Variants in KIF21A observed in about 807,000 individuals in gnomAD.
KIF21A encodes kinesin family member 21A.
KIF21A carries 114 observed loss-of-function variants against 202.9 expected under a neutral mutation model. That is an observed-to-expected ratio of 0.56 (90% confidence interval 0.48 to 0.66). The LOEUF (loss-of-function observed/expected upper bound fraction) is 0.66, where lower values mean the gene tolerates loss of function less well. KIF21A is among the 30% of genes least tolerant of loss of function. The pLI is 0.00. For synonymous variants in KIF21A, 667 were observed against 670.8 expected (o/e 0.99, Z 0.09); for missense variants, 1,677 against 1,994.9 (o/e 0.84, Z 3.04).
chr12:39,380,279 T>C (rs1950534962), intron 1 of KIF21A, among the ~76,000 whole-genome samples: 1 of 152,162 alleles, frequency 6.6e-6, no homozygotes, highest in South Asian at 2.1e-4. Context: ...AACAACGCTT[T>C]TTTAAAGCAC....
intron 1 of KIF21A, among the ~76,000 whole-genome samples, chr12:39,374,526 A>G (rs1950146926): frequency 1.3e-5 from 2 of 152,176 alleles, no homozygotes; most frequent in African/African-American, 2.4e-5. Flanking sequence ...AAGACAAACA[A>G]TTACGGACAA....
chr12:39,300,608 G>A (rs922617948), intron 37 of KIF21A, among the ~76,000 whole-genome samples: 2 of 151,930 alleles, frequency 1.3e-5, no homozygotes, highest in African/African-American at 4.8e-5. Flanking sequence ...GTTTTAGATA[G>A]TCATAAGAAA....
chr12:39,347,001 TA>T (rs1301025837), intron 11 of KIF21A, among the ~76,000 whole-genome samples: 1 of 151,886 alleles, frequency 6.6e-6, no homozygotes, highest in Non-Finnish European at 1.5e-5. Context: ...ATACTACTTT[TA>T]AAAACATACT....
At chr12:39,325,627 C>T (rs554332827) in intron 26 of KIF21A, among the ~76,000 whole-genome samples, 28 of 151,610 alleles carry the variant, frequency 1.8e-4, no homozygotes, top group Non-Finnish European at 3.8e-4. Flanking sequence ...AGGCATGAGC[C>T]ACCGTATCTG....
intron 1 of KIF21A, among the ~76,000 whole-genome samples, chr12:39,424,500 CAT>C (rs1167120183): frequency 6.6e-6 from 1 of 152,188 alleles, no homozygotes; most frequent in East Asian, 1.9e-4. Context: ...GATCCAAACT[CAT>C]AGATTAAATA....
In KIF21A at chr12:39,397,584, C is replaced by A. The variant is rs573768514; in HGVS notation, c.45-27323G>T. ...CAAGGCTCCAAGACAGTAGTACTGA[C>A]ATATTCCTATGACCCAGAACAGTTC... On this transcript the variant is annotated intron_variant, in intron 1 of 37. Transcript: ENST00000361418. 9.8e-5 allele frequency among the ~76,000 whole-genome samples: 15 copies of A among 152,346 alleles called. No homozygotes were observed. The East Asian group carries it at 2.5e-3, about 25-fold the overall frequency.
At chr12:39,323,795 T>C (rs371236366) in intron 26 of KIF21A, among the ~76,000 whole-genome samples, 1 of 152,174 alleles carries the variant, frequency 6.6e-6, no homozygotes, top group East Asian at 1.9e-4. Context: ...ACTTCATTTT[T>C]TTCAATAAAT....
In KIF21A at chr12:39,331,571, C is replaced by T. The variant is rs1331323076; in HGVS notation, c.3153+119G>A. On this transcript the variant is annotated intron_variant, in intron 22 of 37. Transcript: ENST00000361418. ...TAAAGAAAGGTAAAAGAAATACTTT[C>T]CAATTATGAATAATCTTCTTCCTTA... 2.2e-5 allele frequency: 16 copies of T among 739,142 alleles called. No individual in the cohort carries two copies. The Admixed American group carries it at 2.8e-4, about 13-fold the overall frequency. 45.8% of individuals were successfully genotyped at this position (739,142 alleles called of 1,614,324 possible).
intron 37 of KIF21A, among the ~76,000 whole-genome samples, chr12:39,298,360 G>A (rs1393278870): frequency 6.6e-6 from 1 of 152,176 alleles, no homozygotes; most frequent in Admixed American, 6.5e-5. Flanking sequence ...ATGTTAAGTT[G>A]TACATGAGTA....
intron 9 of KIF21A, 40 bp from the exon 10 acceptor site, chr12:39,356,935 T>G (rs747573568): frequency 3.3e-5 from 32 of 968,878 alleles, no homozygotes; most frequent in Non-Finnish European, 5.3e-5. Flanking sequence ...TCCTTTAAAT[T>G]AAGACTTCAA....
intron 17 of KIF21A, among the ~76,000 whole-genome samples, chr12:39,334,821 A>G (rs937553253): frequency 1.3e-5 from 2 of 152,222 alleles, no homozygotes; most frequent in African/African-American, 4.8e-5. Context: ...TTATAATAGA[A>G]TATAGGCATC....
intron 1 of KIF21A, among the ~76,000 whole-genome samples, chr12:39,374,131 A>G (rs1950126212): frequency 6.6e-6 from 1 of 152,212 alleles, no homozygotes; most frequent in Non-Finnish European, 1.5e-5. Context: ...ACTCAAGTCA[A>G]TAATTCTCAC....
At chr12:39,349,817 C>A (rs1181600385) in intron 11 of KIF21A, among the ~76,000 whole-genome samples, 1 of 151,684 alleles carries the variant, frequency 6.6e-6, no homozygotes, top group East Asian at 1.9e-4. Flanking sequence ...TTATATGTAG[C>A]AATAAAAATT....
intron 22 of KIF21A, 50 bp from the exon 23 acceptor site, chr12:39,330,961 A>G: frequency 6.3e-7 from 1 of 1,580,240 alleles, no homozygotes; most frequent in Non-Finnish European, 8.7e-7. Flanking sequence ...AGGATCTACC[A>G]CACAAAGATC....
intron 10 of KIF21A, chr12:39,356,620 A>C (rs1948792523): frequency 4.6e-6 from 2 of 435,902 alleles, no homozygotes; most frequent in Non-Finnish European, 8.2e-6. Context: ...TAAGAGTAGG[A>C]GAATAATATG....
At chr12:39,369,086 C>T (rs1385094579) in intron 3 of KIF21A, among the ~76,000 whole-genome samples, 3 of 152,164 alleles carry the variant, frequency 2.0e-5, no homozygotes, top group Admixed American at 1.3e-4. Context: ...TCACATACTT[C>T]CCCTACTTTT....
At chr12:39,349,282 G>A (rs1385556984) in intron 11 of KIF21A, among the ~76,000 whole-genome samples, 2 of 152,052 alleles carry the variant, frequency 1.3e-5, no homozygotes, top group African/African-American at 2.4e-5. Context: ...TTTTATGTGA[G>A]TGAGCTGAGA....
At chr12:39,316,320 T>C (rs1944536227) in intron 29 of KIF21A, among the ~76,000 whole-genome samples, 1 of 152,136 alleles carries the variant, frequency 6.6e-6, no homozygotes, top group African/African-American at 2.4e-5. Context: ...TGACTAGTCC[T>C]GGAAAAATTT....
intron 1 of KIF21A, among the ~76,000 whole-genome samples, chr12:39,383,549 C>G (rs1390830144): frequency 6.6e-6 from 1 of 152,174 alleles, no homozygotes; most frequent in East Asian, 1.9e-4. Context: ...GTTAACCAGG[C>G]TAGCCACTGC....
Sources: allele counts gnomAD v4.1 joint callset (sites outside exome capture counted in the v4.1 genomes callset), GRCh38; gene constraint gnomAD v4.1.1; transcripts MANE v1.5; gene names NCBI Gene and HGNC (gene_info 2026-07-23, HGNC 2026-07-21).